The following SH2D4A variants were observed in gnomAD, a reference collection of about 807,000 sequenced individuals.
SH2D4A encodes the protein SH2 domain-containing protein 4A.
SH2D4A carries 70 observed loss-of-function variants against 64.7 expected under a neutral mutation model. That is an observed-to-expected ratio of 1.08 (90% CI 0.89 to 1.32). The LOEUF is 1.32. Among genes scored for constraint, SH2D4A ranks in the 40% most tolerant of loss-of-function variants. The pLI is 0.00. For missense variants in SH2D4A, 706 were observed against 540.1 expected (o/e 1.31, Z -3.04); for synonymous variants, 268 against 200.7 (o/e 1.34, Z -2.83).
In SH2D4A at chr8:19,339,581, C is replaced by T. The variant is rs541182474; in HGVS notation, c.513+4724C>T. 1.9e-4 allele frequency among the ~76,000 whole-genome samples: 29 copies of T among 149,502 alleles called. No homozygotes were observed. The South Asian group carries it at 6.0e-3, about 31-fold the overall frequency. On this transcript the variant is annotated intron_variant, in intron 4 of 9. Transcript: ENST00000265807. Reference sequence around the variant, plus strand: ...GTGGTGCAATCATAGCTCACTGCTGCCTTGAACTCCTGGGCTCAAGCAATA... The same window carrying T: ...GTGGTGCAATCATAGCTCACTGCTGTCTTGAACTCCTGGGCTCAAGCAATA...
intron 4 of SH2D4A, among the ~76,000 whole-genome samples, chr8:19,347,099 C>T (rs1458053323): frequency 6.6e-6 from 1 of 152,124 alleles, no homozygotes; most frequent in Non-Finnish European, 1.5e-5. Flanking sequence ...GTGATGCAGC[C>T]GAGGAACCTC....
chr8:19,364,718 G>A (rs940027157), intron 7 of SH2D4A, among the ~76,000 whole-genome samples: 11 of 152,160 alleles, frequency 7.2e-5, no homozygotes, highest in Admixed American at 2.0e-4. Flanking sequence ...GCTGACTTTC[G>A]TGTGATCAGT....
chr8:19,378,407 A>G (rs571821301), intron 8 of SH2D4A, among the ~76,000 whole-genome samples: 4 of 152,298 alleles, frequency 2.6e-5, no homozygotes, highest in Admixed American at 1.3e-4. Flanking sequence ...TGCACTATAT[A>G]CAAATTACCA....
chr8:19,319,081 G>T (rs1213144927), intron 1 of SH2D4A, among the ~76,000 whole-genome samples: 5 of 151,346 alleles, frequency 3.3e-5, no homozygotes, highest in African/African-American at 1.2e-4. Context: ...AAACCTCTGT[G>T]AACTTTTTTT....
In SH2D4A at chr8:19,382,823, C is replaced by CTTTTTTTTTTTTTTTTTTTT. The variant is rs1159245319; in HGVS notation, c.1048+9169_1048+9188dup. ...TTTCTCTCTTGCTGCTTTTAAGATTCTTTTTTTTTTTTTTTTTTTTTTTTT... is the reference window on the plus strand; with the variant it reads ...TTTCTCTCTTGCTGCTTTTAAGATTCTTTTTTTTTTTTTTTTTTTTTTTTTTTTTTTTTTTTTTTTTTTTT... On this transcript the variant is annotated intron_variant, in intron 8 of 9. Transcript: ENST00000265807. 5.3e-4 allele frequency among the ~76,000 whole-genome samples: 34 copies of CTTTTTTTTTTTTTTTTTTTT among 64,628 alleles called. 3 individuals carry two copies. The highest frequency in any genetic ancestry group is 7.2e-4 in the Non-Finnish European group (25 of 34,650). The allele number at this position is 64,628 out of a possible 152,430, so 42.4% of individuals were successfully genotyped here.
intron 7 of SH2D4A, 70 bp downstream of exon 7, chr8:19,364,352 G>A (rs995668911): frequency 3.3e-5 from 52 of 1,554,080 alleles, no homozygotes; most frequent in Admixed American, 2.5e-4. Context: ...TGAAATTAAA[G>A]GGGAATTGTA....
At chr8:19,359,110 TCA>T (rs906692317) in intron 5 of SH2D4A, among the ~76,000 whole-genome samples, 12 of 152,206 alleles carry the variant, frequency 7.9e-5, no homozygotes, top group African/African-American at 2.7e-4. Flanking sequence ...TAAAATTCTC[TCA>T]GAGACGCAGG....
At chr8:19,335,181 G>A (rs1347221724) in intron 4 of SH2D4A, among the ~76,000 whole-genome samples, 1 of 151,990 alleles carries the variant, frequency 6.6e-6, no homozygotes, top group Non-Finnish European at 1.5e-5. Flanking sequence ...CCAGCTACTC[G>A]GGAGGCTGAG....
At chr8:19,367,133 C>T (rs1255983931) in intron 7 of SH2D4A, among the ~76,000 whole-genome samples, 1 of 151,878 alleles carries the variant, frequency 6.6e-6, no homozygotes, top group African/African-American at 2.4e-5. Context: ...ATATACACCA[C>T]ATTTTCTTGA....
intron 8 of SH2D4A, among the ~76,000 whole-genome samples, chr8:19,376,226 A>G (rs968573553): frequency 1.1e-4 from 16 of 152,142 alleles, no homozygotes; most frequent in African/African-American, 3.1e-4. Context: ...CTTCCTGCTC[A>G]GGGGGAGGTC....
rs1248826130 is a variant in SH2D4A, at chr8:19,393,556, A to C, written c.1272+15A>C. 1 of 1,612,728 alleles carries C rather than the reference A, an allele frequency of 6.2e-7. No homozygotes were observed. The highest frequency in any genetic ancestry group is 1.1e-5 in the South Asian group (1 of 91,006). The stretch of plus-strand genomic sequence containing the variant: ...AATATCACAAGGTGAAGCAATGCAT[A>C]AACTTAATTTGCCTTCTGAGTTACT... On this transcript the variant is annotated intron_variant, in intron 9 of 9. Transcript: ENST00000265807.
chr8:19,331,794 C>T (rs777718400), intron 2 of SH2D4A, among the ~76,000 whole-genome samples: 1 of 152,166 alleles, frequency 6.6e-6, no homozygotes, highest in African/African-American at 2.4e-5. Flanking sequence ...TATTGGTATT[C>T]CCATTTTGCA....
chr8:19,314,531 G>C (rs368190932), intron 1 of SH2D4A, among the ~76,000 whole-genome samples: 2 of 152,186 alleles, frequency 1.3e-5, no homozygotes, highest in South Asian at 4.1e-4. Context: ...GGACTCGGGG[G>C]TCACGCGGGC....
At chr8:19,363,861 C>T in intron 6 of SH2D4A, 1 of 577,502 alleles carries the variant, frequency 1.7e-6, no homozygotes, top group East Asian at 2.9e-5. Flanking sequence ...CAGAAAACCC[C>T]CAGTCCTGTA....
intron 1 of SH2D4A, among the ~76,000 whole-genome samples, chr8:19,314,680 T>C (rs1436689924): frequency 6.6e-6 from 1 of 152,186 alleles, no homozygotes; most frequent in Admixed American, 6.5e-5. Context: ...TGATTGCTGG[T>C]TTAATAGAAA....
intron 8 of SH2D4A, among the ~76,000 whole-genome samples, chr8:19,382,799 T>C (rs1039217350): frequency 6.6e-5 from 10 of 151,634 alleles, no homozygotes; most frequent in Non-Finnish European, 1.3e-4. Context: ...TCTCTCTCTT[T>C]TCTCTCTTGC....
At chr8:19,388,272 G>A (rs908171854) in intron 8 of SH2D4A, among the ~76,000 whole-genome samples, 22 of 152,328 alleles carry the variant, frequency 1.4e-4, no homozygotes, top group East Asian at 7.7e-4. Flanking sequence ...CCTTTTCTGC[G>A]TTAGTTTCCT....
intron 8 of SH2D4A, among the ~76,000 whole-genome samples, chr8:19,382,003 C>A (rs1462717750): frequency 1.3e-5 from 2 of 151,852 alleles, no homozygotes; most frequent in Non-Finnish European, 2.9e-5. Context: ...GTATATAATC[C>A]TGTTGATATG....
intron 4 of SH2D4A, among the ~76,000 whole-genome samples, chr8:19,354,526 T>C (rs1474241308): frequency 1.3e-5 from 2 of 152,184 alleles, no homozygotes; most frequent in Non-Finnish European, 1.5e-5. Context: ...TTTAACATAA[T>C]TCATAACCGC....
Sources: allele counts gnomAD v4.1 joint callset (sites outside exome capture counted in the v4.1 genomes callset), GRCh38; gene constraint gnomAD v4.1.1; transcripts MANE v1.5; gene names NCBI Gene and HGNC (gene_info 2026-07-23, HGNC 2026-07-21).